Variants in CACNA1D observed in about 807,000 individuals in gnomAD.
CACNA1D encodes the protein voltage-dependent L-type calcium channel subunit alpha-1D.
CACNA1D carries 55 observed loss-of-function variants against 257.1 expected under a neutral mutation model. The ratio of observed to expected loss-of-function variants is 0.21; its 90% CI spans 0.17 to 0.27. CACNA1D has a LOEUF of 0.27. CACNA1D is among the 10% of genes least tolerant of loss of function. The pLI, the probability that CACNA1D is intolerant of heterozygous loss-of-function variation, is 1.00. For missense variants in CACNA1D, 1,876 were observed against 2,784.0 expected (o/e 0.67, Z 7.34); for synonymous variants, 980 against 1,014.9 (o/e 0.97, Z 0.65).
At chr3:53,691,941 A>T (rs1432903155) in intron 8 of CACNA1D, among the ~76,000 whole-genome samples, 13 of 104,218 alleles carry the variant, frequency 1.2e-4, no homozygotes, top group African/African-American at 4.9e-4. Flanking sequence ...TTATATATAT[A>T]TTTTAAGGCT....
intron 8 of CACNA1D, among the ~76,000 whole-genome samples, chr3:53,685,351 T>C (rs1455575096): frequency 1.3e-5 from 2 of 152,092 alleles, no homozygotes; most frequent in African/African-American, 2.4e-5. Flanking sequence ...AGTGGAGAAA[T>C]TGATAAATCT....
intron 9 of CACNA1D, among the ~76,000 whole-genome samples, chr3:53,704,731 A>G (rs1315692338): frequency 2.6e-5 from 4 of 152,106 alleles, no homozygotes; most frequent in African/African-American, 9.7e-5. Context: ...CCTAAACCCA[A>G]CATGTTATTT....
At chr3:53,603,312 G>A (rs1258998216) in intron 3 of CACNA1D, among the ~76,000 whole-genome samples, 1 of 152,220 alleles carries the variant, frequency 6.6e-6, no homozygotes, top group Non-Finnish European at 1.5e-5. Context: ...GAAAGCCTGA[G>A]CTTTGAAGCC....
At chr3:53,804,902 G>A in intron 44 of CACNA1D, 81 bp from the exon 45 acceptor site, 1 of 1,286,426 alleles carries the variant, frequency 7.8e-7, no homozygotes, top group Non-Finnish European at 1.1e-6. Context: ...GGCGGGGAGA[G>A]GAGTATGGAT....
intron 39 of CACNA1D, chr3:53,782,264 G>GTGTGTGTATATATATATATATATATATA (rs6147823): frequency 1.3e-5 from 1 of 75,450 alleles, no homozygotes; most frequent in Non-Finnish European, 2.2e-5. Flanking sequence ...GTGTGTGTGT[G>GTGTGTGTATATATATATATATATATATA]TATATATATA....
At chr3:53,501,370 G>A (rs2090594949) in intron 2 of CACNA1D, among the ~76,000 whole-genome samples, 1 of 152,212 alleles carries the variant, frequency 6.6e-6, no homozygotes, top group Non-Finnish European at 1.5e-5. Flanking sequence ...AAGAATGAGT[G>A]TAACATGATC....
intron 8 of CACNA1D, among the ~76,000 whole-genome samples, chr3:53,677,930 G>A (rs926913640): frequency 1.3e-5 from 2 of 152,140 alleles, no homozygotes; most frequent in African/African-American, 4.8e-5. Context: ...TAGCAGCTTC[G>A]TGAAGTTCAG....
At chr3:53,580,880 A>G (rs1463676367) in intron 3 of CACNA1D, among the ~76,000 whole-genome samples, 3 of 152,228 alleles carry the variant, frequency 2.0e-5, no homozygotes, top group South Asian at 4.1e-4. Context: ...CACTCAACCC[A>G]GCAGTTGGCA....
chr3:53,536,176 A>C (rs1341723477), intron 3 of CACNA1D, among the ~76,000 whole-genome samples: 5 of 152,230 alleles, frequency 3.3e-5, no homozygotes, highest in African/African-American at 1.2e-4. Flanking sequence ...CATGGCTCCA[A>C]AAGGGGCTGA....
At position 53,650,979 on chromosome 3, in the gene CACNA1D, G is replaced by T. The variant is rs187796549; in HGVS notation, c.623+61G>T. Reference sequence around the variant, plus strand: ...GAAAATGGGAGGTGGAGGTTGGGGGGGGTGGTGGTAACAAAACAGTCTTTT... The same window carrying T: ...GAAAATGGGAGGTGGAGGTTGGGGGTGGTGGTGGTAACAAAACAGTCTTTT... On this transcript the variant is annotated intron_variant, in intron 4 of 47. Coordinates refer to ENST00000350061, the MANE Select transcript of CACNA1D (RefSeq NM_001128840.3). The T allele has an allele frequency of 0.011, 16,072 of 1,427,530 alleles. 170 individuals carry two copies. The highest frequency in any genetic ancestry group is 0.016 in the South Asian group (1,393 of 86,516). 88.4% of individuals were successfully genotyped at this position (1,427,530 alleles called of 1,614,324 possible). A position where few individuals can be genotyped will look rare whatever the true frequency, so the allele number is the denominator to read the frequency against.
intron 8 of CACNA1D, among the ~76,000 whole-genome samples, chr3:53,674,715 C>T (rs1177103868): frequency 6.6e-6 from 1 of 152,166 alleles, no homozygotes; most frequent in Non-Finnish European, 1.5e-5. Flanking sequence ...GAGCTGGGGG[C>T]TGTATGGCTC....
Position 53,698,262 on chromosome 3 carries a change from C to T in CACNA1D, c.1221-4379C>T, listed in dbSNP as rs558215665. On this transcript the variant is annotated intron_variant, in intron 8 of 47. Coordinates refer to ENST00000350061, the MANE Select transcript of CACNA1D (RefSeq NM_001128840.3). ...CCGTGTTTCTGTGTCCCTCCTTCCACAGCGAGAACTCTGGCTCCCAGCAGC... is the reference window on the plus strand; with the variant it reads ...CCGTGTTTCTGTGTCCCTCCTTCCATAGCGAGAACTCTGGCTCCCAGCAGC... Among the ~76,000 whole-genome samples, 3 of 152,342 alleles carry T rather than the reference C, an allele frequency of 2.0e-5. No individual in the cohort carries two copies. In the East Asian group the frequency reaches 5.8e-4, roughly 29 times the overall value.
chr3:53,598,810 A>T (rs1448430079), intron 3 of CACNA1D, among the ~76,000 whole-genome samples: 1 of 152,186 alleles, frequency 6.6e-6, no homozygotes, highest in African/African-American at 2.4e-5. Context: ...GCAAAGCGGG[A>T]TGTGCCCATG....
At chr3:53,657,472 G>T (rs2108311132) in intron 4 of CACNA1D, among the ~76,000 whole-genome samples, 1 of 152,232 alleles carries the variant, frequency 6.6e-6, no homozygotes, top group African/African-American at 2.4e-5. Context: ...CATGGTGTTT[G>T]TTGCTTAGGC....
intron 39 of CACNA1D, among the ~76,000 whole-genome samples, chr3:53,782,113 G>A (rs920689344): frequency 6.6e-6 from 1 of 151,226 alleles, no homozygotes; most frequent in African/African-American, 2.4e-5. Flanking sequence ...ATTTACTACC[G>A]TAATTACCAA....
At chr3:53,750,019 G>T (rs1395172279) in intron 27 of CACNA1D, among the ~76,000 whole-genome samples, 4 of 152,186 alleles carry the variant, frequency 2.6e-5, no homozygotes, top group Admixed American at 2.0e-4. Context: ...AGTGTCCTTT[G>T]GGGGGCAAAG....
intron 23 of CACNA1D, 66 bp downstream of exon 23, chr3:53,744,893 C>A: frequency 1.2e-6 from 1 of 866,256 alleles, no homozygotes; most frequent in Non-Finnish European, 2.0e-6. Context: ...ACTGGCTCTT[C>A]TGGGCAGAGC....
chr3:53,626,499 G>A (rs1402960965), intron 3 of CACNA1D, among the ~76,000 whole-genome samples: 1 of 152,144 alleles, frequency 6.6e-6, no homozygotes, highest in Non-Finnish European at 1.5e-5. Flanking sequence ...GAGAAAGGAG[G>A]CTCTTAGGAA....
intron 8 of CACNA1D, among the ~76,000 whole-genome samples, chr3:53,686,196 G>A (rs764207094): frequency 6.6e-6 from 1 of 151,788 alleles, no homozygotes; most frequent in African/African-American, 2.4e-5. Flanking sequence ...ATTCAGAATC[G>A]CAAACAGAAT....
Sources: allele counts gnomAD v4.1 joint callset (sites outside exome capture counted in the v4.1 genomes callset), GRCh38; gene constraint gnomAD v4.1.1; transcripts MANE v1.5; gene names NCBI Gene and HGNC (gene_info 2026-07-23, HGNC 2026-07-21).